Variants in SOX6 observed in about 807,000 individuals in gnomAD.
SOX6 encodes the protein transcription factor SOX-6.
In SOX6, 11 loss-of-function variants were observed where a neutral mutation model predicts 97.8. The observed-to-expected ratio is 0.11, with a 90% CI of 0.07 to 0.19. The LOEUF is 0.19. Among genes scored for constraint, SOX6 ranks in the 10% least tolerant of loss-of-function variants. The pLI, the probability that SOX6 is intolerant of heterozygous loss-of-function variation, is 1.00. For synonymous variants in SOX6, 360 were observed against 371.4 expected (o/e 0.97, Z 0.35); for missense variants, 810 against 1,039.5 (o/e 0.78, Z 3.04).
At chr11:16,180,126 A>G (rs1166740911) in intron 6 of SOX6, among the ~76,000 whole-genome samples, 2 of 151,820 alleles carry the variant, frequency 1.3e-5, no homozygotes, top group Non-Finnish European at 2.9e-5. Context: ...TATGTGAAAA[A>G]AATCAAGAAA....
chr11:16,704,367 C>A (rs1045090605), intron 3 of SOX6, among the ~76,000 whole-genome samples: 2 of 151,882 alleles, frequency 1.3e-5, no homozygotes, highest in African/African-American at 4.8e-5. Flanking sequence ...TGCAAAAGAC[C>A]AAATGGATAA....
exon 2 of SOX6, chr11:16,736,399 T>C (rs1848391585): frequency 6.6e-6 from 1 of 152,194 alleles, no homozygotes; most frequent in Non-Finnish European, 1.5e-5. Context: ...TCTTTAGTAT[T>C]TCCTATGTTA....
At chr11:16,553,036 A>G (rs985791647) in intron 4 of SOX6, among the ~76,000 whole-genome samples, 7 of 152,248 alleles carry the variant, frequency 4.6e-5, no homozygotes, top group Non-Finnish European at 8.8e-5. Flanking sequence ...AAAAATAATT[A>G]TTGATCATTA....
At chr11:16,626,800 A>T (rs1249457238) in intron 3 of SOX6, among the ~76,000 whole-genome samples, 1 of 152,170 alleles carries the variant, frequency 6.6e-6, no homozygotes, top group African/African-American at 2.4e-5. Context: ...GGATGTTATT[A>T]TAACAGTATT....
chr11:16,640,906 T>A (rs544708556), intron 3 of SOX6, among the ~76,000 whole-genome samples: 180 of 152,354 alleles, frequency 1.2e-3, no homozygotes, highest in Non-Finnish European at 2.2e-3. Flanking sequence ...TGTCTCTATC[T>A]CCTTCAGCTC....
At chr11:16,145,480 A>C (rs1052048482) in intron 6 of SOX6, among the ~76,000 whole-genome samples, 1 of 152,190 alleles carries the variant, frequency 6.6e-6, no homozygotes, top group Non-Finnish European at 1.5e-5. Flanking sequence ...TATTCAACAC[A>C]ATGTTGGAAG....
At chr11:16,165,943 GA>G (rs990304994) in intron 6 of SOX6, among the ~76,000 whole-genome samples, 2 of 151,932 alleles carry the variant, frequency 1.3e-5, no homozygotes, top group Non-Finnish European at 2.9e-5. Flanking sequence ...AGCATTTAAG[GA>G]GGTAATATTT....
At chr11:16,215,189 G>C (rs1852340635) in intron 4 of SOX6, among the ~76,000 whole-genome samples, 1 of 152,082 alleles carries the variant, frequency 6.6e-6, no homozygotes, top group Non-Finnish European at 1.5e-5. Context: ...GAGCAAAAGA[G>C]AACAAAGCTG....
chr11:16,317,511 C>T (rs1377828494), intron 3 of SOX6: 2 of 151,988 alleles, frequency 1.3e-5, no homozygotes, highest in Non-Finnish European at 2.9e-5. Flanking sequence ...AAAATATATA[C>T]ATTTTGTGTC....
chr11:16,513,004 T>C (rs1207245791), intron 4 of SOX6, among the ~76,000 whole-genome samples: 3 of 152,150 alleles, frequency 2.0e-5, no homozygotes, highest in South Asian at 2.1e-4. Flanking sequence ...AAAGGAAACA[T>C]ATGGAAAGGA....
At chr11:16,581,715 G>C (rs1848033938) in intron 4 of SOX6, among the ~76,000 whole-genome samples, 3 of 152,220 alleles carry the variant, frequency 2.0e-5, no homozygotes, top group Middle Eastern at 3.4e-3. Flanking sequence ...TGTAATCCCA[G>C]CACTTTGGGA....
At chr11:16,322,037 T>C (rs1253132911) in intron 2 of SOX6, among the ~76,000 whole-genome samples, 1 of 152,124 alleles carries the variant, frequency 6.6e-6, no homozygotes, top group Non-Finnish European at 1.5e-5. Flanking sequence ...ACAAAGAATC[T>C]CTGGTTTTTT....
chr11:16,506,971 T>C (rs1315093024), intron 4 of SOX6, among the ~76,000 whole-genome samples: 2 of 145,246 alleles, frequency 1.4e-5, no homozygotes, highest in African/African-American at 2.5e-5. Context: ...GGCTGGGGCA[T>C]GAGAATCACT....
chr11:16,117,501 C>T (rs1849379676), intron 6 of SOX6, among the ~76,000 whole-genome samples: 2 of 152,190 alleles, frequency 1.3e-5, no homozygotes, highest in South Asian at 4.1e-4. Context: ...TAAATTAAAG[C>T]AACAACTTTT....
chr11:16,568,422 T>C (rs1847900925), intron 4 of SOX6, among the ~76,000 whole-genome samples: 1 of 152,064 alleles, frequency 6.6e-6, no homozygotes. Context: ...GAAAGCAGAT[T>C]TGGGGAGAAG....
chr11:16,046,425 G>T, intron 12 of SOX6, 89 bp downstream of exon 12: 1 of 1,404,316 alleles, frequency 7.1e-7, no homozygotes, highest in Admixed American at 1.7e-5. Flanking sequence ...ATCTATGGCT[G>T]CAGGTTGATA....
intron 3 of SOX6, among the ~76,000 whole-genome samples, chr11:16,271,164 T>A (rs1006729102): frequency 1.4e-4 from 21 of 151,496 alleles, no homozygotes; most frequent in Admixed American, 9.9e-4. Flanking sequence ...TTTCCTTAGA[T>A]CCATAAATAT....
At chr11:16,241,790 T>C (rs1853202493) in intron 3 of SOX6, among the ~76,000 whole-genome samples, 1 of 151,958 alleles carries the variant, frequency 6.6e-6, no homozygotes, top group African/African-American at 2.4e-5. Context: ...ACCTGGCACA[T>C]AGATAGAGCC....
chr11:16,165,627 G>A (rs537078269), intron 6 of SOX6, among the ~76,000 whole-genome samples: 25 of 152,286 alleles, frequency 1.6e-4, no homozygotes, highest in African/African-American at 6.0e-4. Flanking sequence ...GCCAGGTGCA[G>A]TGGCTCACAC....
Sources: allele counts gnomAD v4.1 joint callset (sites outside exome capture counted in the v4.1 genomes callset), GRCh38; gene constraint gnomAD v4.1.1; transcripts MANE v1.5; gene names NCBI Gene and HGNC (gene_info 2026-07-23, HGNC 2026-07-21).